The following RASSF6 variants were observed in gnomAD, a reference collection of about 807,000 sequenced individuals.
RASSF6 encodes the protein Ras association domain family member 6, also known as ras association domain-containing protein 6.
Under a neutral mutation model 44.0 loss-of-function variants are expected in RASSF6, and 52 were observed. That is an observed-to-expected ratio of 1.18 (90% CI 0.95 to 1.49). The LOEUF is 1.49. Ranked by LOEUF, RASSF6 falls within the 40% of genes most tolerant of loss-of-function variation. The probability of loss-of-function intolerance (pLI) is 0.00; values close to 1 mark genes in which losing one functional copy is unlikely to be tolerated. For synonymous variants in RASSF6, 162 were observed against 124.6 expected, an observed-to-expected ratio of 1.30 and a Z score of -2.00; for missense variants, 464 against 393.3, an observed-to-expected ratio of 1.18 and a Z score of -1.52.
At chr4:73,596,411 C>A (rs1208210461) in intron 3 of RASSF6, among the ~76,000 whole-genome samples, 1 of 152,104 alleles carries the variant, frequency 6.6e-6, no homozygotes, top group African/African-American at 2.4e-5. Context: ...AGGAGTACAG[C>A]TAACAAGGGA....
chr4:73,590,232 T>C (rs557730262), intron 4 of RASSF6, among the ~76,000 whole-genome samples: 100 of 152,344 alleles, frequency 6.6e-4, no homozygotes, highest in African/African-American at 2.3e-3. Context: ...ATTAAGCTGA[T>C]ACTTCCTCTG....
At chr4:73,594,610 AT>A (rs1243350946) in intron 3 of RASSF6, among the ~76,000 whole-genome samples, 1 of 152,174 alleles carries the variant, frequency 6.6e-6, no homozygotes. Context: ...ACTGTTTATT[AT>A]TTCTTTGGCT....
intron 1 of RASSF6, among the ~76,000 whole-genome samples, chr4:73,618,612 A>G (rs1726519075): frequency 6.6e-6 from 1 of 152,160 alleles, no homozygotes; most frequent in Non-Finnish European, 1.5e-5. Context: ...GCTAAACTGT[A>G]CTAAACACAA....
intron 8 of RASSF6, 101 bp downstream of exon 8, chr4:73,581,716 C>A (rs1723661220): frequency 1.4e-6 from 1 of 706,172 alleles, no homozygotes; most frequent in Non-Finnish European, 2.5e-6. Context: ...CATTCCTCCC[C>A]TTTCTCCACA....
chr4:73,607,297 A>G (rs1725710030), intron 2 of RASSF6, among the ~76,000 whole-genome samples: 1 of 152,066 alleles, frequency 6.6e-6, no homozygotes, highest in Non-Finnish European at 1.5e-5. Context: ...CTTCCTCTTC[A>G]GCCTCCTTTC....
chr4:73,616,770 G>A (rs1370275946), intron 1 of RASSF6, among the ~76,000 whole-genome samples: 1 of 152,106 alleles, frequency 6.6e-6, no homozygotes, highest in Non-Finnish European at 1.5e-5. Flanking sequence ...CTGTACACAC[G>A]GAGAGTCTTT....
At chr4:73,615,950 A>C (rs1290398526) in intron 1 of RASSF6, 1 of 1,548,436 alleles carries the variant, frequency 6.5e-7, no homozygotes, top group African/African-American at 1.4e-5. Flanking sequence ...GTACAAATTA[A>C]ATCAAATGGG....
intron 2 of RASSF6, chr4:73,604,675 A>G (rs1231248253): frequency 1.3e-5 from 2 of 152,178 alleles, no homozygotes; most frequent in Admixed American, 6.5e-5. Flanking sequence ...AAATTTTAGC[A>G]GTGAAGCTAT....
At chr4:73,589,923 A>G (rs1283625131) in intron 4 of RASSF6, among the ~76,000 whole-genome samples, 1 of 152,178 alleles carries the variant, frequency 6.6e-6, no homozygotes, top group Admixed American at 6.5e-5. Context: ...AAGTAAAAAA[A>G]CACCACTGAC....
intron 1 of RASSF6, among the ~76,000 whole-genome samples, chr4:73,616,620 G>A (rs1013865261): frequency 6.6e-6 from 1 of 151,994 alleles, no homozygotes; most frequent in Non-Finnish European, 1.5e-5. Context: ...TGTATGTACT[G>A]TCTAAATCAT....
At chr4:73,603,156 A>G (rs999203203) in intron 2 of RASSF6, among the ~76,000 whole-genome samples, 1 of 152,202 alleles carries the variant, frequency 6.6e-6, no homozygotes, top group South Asian at 2.1e-4. Flanking sequence ...TATGTGAGAC[A>G]CAAAAAATTG....
chr4:73,618,241 G>A (rs1372635826), intron 1 of RASSF6, among the ~76,000 whole-genome samples: 1 of 151,280 alleles, frequency 6.6e-6, no homozygotes, highest in South Asian at 2.1e-4. Context: ...TTATACACGT[G>A]AGAAATAGTA....
chr4:73,572,669 T>C lies in RASSF6; in HGVS notation c.*3566A>G, dbSNP rs1722978303. On this transcript the variant is annotated 3_prime_UTR_variant, in exon 11 of 11. Coordinates refer to ENST00000307439, the MANE Select transcript of RASSF6 (RefSeq NM_177532.5). ...AACTACCACAGAAGTGATGTTAATG[T>C]CTCATTTGAATAATTGATTTGAAAT... The C allele has an allele frequency of 6.6e-6, 1 of 152,342 alleles. No individual in the cohort carries two copies. The highest frequency in any genetic ancestry group is 1.9e-4 in the East Asian group (1 of 5,192). 9.4% of individuals were successfully genotyped at this position (152,342 alleles called of 1,614,324 possible).
intron 2 of RASSF6, among the ~76,000 whole-genome samples, chr4:73,610,723 C>G (rs780800963): frequency 7.2e-5 from 11 of 152,210 alleles, no homozygotes; most frequent in Non-Finnish European, 1.3e-4. Flanking sequence ...TATATGCAAT[C>G]AGAACCCTTT....
intron 5 of RASSF6, among the ~76,000 whole-genome samples, chr4:73,586,441 A>T (rs1724100763): frequency 6.6e-6 from 1 of 151,990 alleles, no homozygotes; most frequent in Non-Finnish European, 1.5e-5. Context: ...ATGGAATTGA[A>T]TTGAGCTACA....
At chr4:73,598,766 G>A (rs1046216688) in intron 2 of RASSF6, 48 bp from the exon 3 acceptor site, 17 of 814,902 alleles carry the variant, frequency 2.1e-5, no homozygotes, top group South Asian at 7.0e-5. Context: ...AGTTTTTAAC[G>A]TAAAAGGTGA....
intron 2 of RASSF6, among the ~76,000 whole-genome samples, chr4:73,600,386 A>T (rs1359317258): frequency 7.3e-6 from 1 of 137,744 alleles, no homozygotes; most frequent in Non-Finnish European, 1.6e-5. Flanking sequence ...GCGGTTTTAT[A>T]AAAAAAAAAA....
At chr4:73,603,404 G>C (rs1725411268) in intron 2 of RASSF6, among the ~76,000 whole-genome samples, 1 of 152,090 alleles carries the variant, frequency 6.6e-6, no homozygotes, top group Admixed American at 6.5e-5. Context: ...CCTGGTATAA[G>C]CCGATGAATA....
intron 1 of RASSF6, among the ~76,000 whole-genome samples, chr4:73,612,699 A>C (rs147188257): frequency 6.6e-6 from 1 of 152,196 alleles, no homozygotes; most frequent in Non-Finnish European, 1.5e-5. Context: ...CATGTTGTTA[A>C]ACTCACTAGG....
Sources: allele counts gnomAD v4.1 joint callset (sites outside exome capture counted in the v4.1 genomes callset), GRCh38; gene constraint gnomAD v4.1.1; transcripts MANE v1.5; gene names NCBI Gene and HGNC (gene_info 2026-07-23, HGNC 2026-07-21).